Variants in OR10H1 observed in about 807,000 individuals in gnomAD.
OR10H1 encodes the protein olfactory receptor family 10 subfamily H member 1.
Under a neutral mutation model 13.1 loss-of-function variants are expected in OR10H1, and 12 were observed. That is an observed-to-expected ratio of 0.92 (90% CI 0.59 to 1.48). The LOEUF is 1.48. OR10H1 is among the 40% of genes most tolerant of loss of function. The pLI is 0.00. For synonymous variants in OR10H1, 168 were observed against 175.6 expected, an observed-to-expected ratio of 0.96 and a Z score of 0.34; for missense variants, 363 against 413.1, an observed-to-expected ratio of 0.88 and a Z score of 1.05.
chr19:15,806,813 C>T lies in OR10H1; in HGVS notation c.*268G>A. ...TGTGATCTCAGCTCACTGCAACCTC[C>T]ACCTACCGGGTCAAGCGATTCTTAT... is the stretch of plus-strand genomic sequence containing the variant. On this transcript the variant is annotated 3_prime_UTR_variant, in exon 4 of 4. Coordinates refer to ENST00000641419, the MANE Select transcript of OR10H1 (RefSeq NM_013940.4). 1 of 404,834 alleles carries T rather than the reference C, an allele frequency of 2.5e-6. No individual in the cohort carries two copies. Among genetic ancestry groups the T allele is most frequent in the Non-Finnish European group, 4.5e-6 (1 of 220,738 alleles). 25.1% of individuals were successfully genotyped at this position (404,834 alleles called of 1,614,324 possible).
intron 1 of OR10H1, among the ~76,000 whole-genome samples, chr19:15,815,081 C>T (rs2088958881): frequency 6.6e-6 from 1 of 152,176 alleles, no homozygotes; most frequent in Non-Finnish European, 1.5e-5. Flanking sequence ...TGGCTCATGC[C>T]TGTAATCCCA....
intron 1 of OR10H1, among the ~76,000 whole-genome samples, chr19:15,814,036 C>T (rs1270489904): frequency 6.6e-6 from 1 of 152,076 alleles, no homozygotes; most frequent in Admixed American, 6.6e-5. Flanking sequence ...CAAGTCCTGC[C>T]ACAGACATCC....
At chr19:15,815,340 C>G (rs955496928) in intron 1 of OR10H1, among the ~76,000 whole-genome samples, 1 of 115,840 alleles carries the variant, frequency 8.6e-6, no homozygotes, top group East Asian at 2.8e-4. Flanking sequence ...GATTCCGTCT[C>G]AAAAAAAAAA....
chr19:15,806,173 C>T lies in OR10H1; in HGVS notation c.*908G>A, dbSNP rs977637375. On this transcript the variant is annotated 3_prime_UTR_variant, in exon 4 of 4. Transcript: ENST00000641419. ...TATTGGGGGTATTAGATGACCCTGG[C>T]TTTTGGCAAGAGGAGTCTAGATGGA... is the stretch of plus-strand genomic sequence containing the variant. 3 of 152,096 alleles carry T rather than the reference C, an allele frequency of 2.0e-5. No homozygotes were observed. Among genetic ancestry groups the T allele is most frequent in the African/African-American group, 7.2e-5 (3 of 41,416 alleles). The allele number at this position is 152,096 out of a possible 1,614,324, so 9.4% of individuals were successfully genotyped here. A position where few individuals can be genotyped will look rare whatever the true frequency, so the allele number is the denominator to read the frequency against.
chr19:15,808,056 G>A lies in OR10H1; in HGVS notation c.-11-8C>T, dbSNP rs1227814299. 1.3e-6 allele frequency: 2 copies of A among 1,593,312 alleles called. No individual in the cohort carries two copies. Among genetic ancestry groups the A allele is most frequent in the African/African-American group, 1.3e-5 (1 of 74,712 alleles). On this transcript the variant is annotated splice_polypyrimidine_tract_variant and splice_region_variant and intron_variant, in intron 3 of 3. Transcript: ENST00000641419. Reference sequence around the variant, plus strand: ...TCTGCATGGAGGCTGTGCCTGGGGTGAGATGTGACAGGGAGATGTCAGTTA... The same window carrying A: ...TCTGCATGGAGGCTGTGCCTGGGGTAAGATGTGACAGGGAGATGTCAGTTA...
At chr19:15,808,321 T>C (rs1693076757) in intron 3 of OR10H1, among the ~76,000 whole-genome samples, 1 of 152,160 alleles carries the variant, frequency 6.6e-6, no homozygotes, top group African/African-American at 2.4e-5. Flanking sequence ...GATCAGAGAC[T>C]GGAACCCATA....
intron 1 of OR10H1, among the ~76,000 whole-genome samples, chr19:15,814,361 C>T (rs1257028680): frequency 1.3e-5 from 2 of 151,980 alleles, no homozygotes; most frequent in East Asian, 3.9e-4. Context: ...CCACTTAAGC[C>T]ACCACTTCCC....
intron 2 of OR10H1, among the ~76,000 whole-genome samples, chr19:15,809,372 C>G (rs1307655556): frequency 6.6e-6 from 1 of 151,994 alleles, no homozygotes; most frequent in African/African-American, 2.4e-5. Flanking sequence ...TTCACTGCAA[C>G]CTCAAACTCC....
At position 15,806,096 on chromosome 19, in the gene OR10H1, T is replaced by C. The variant is rs144463594; in HGVS notation, c.*985A>G. 6.6e-6 allele frequency: 1 copy of C among 152,314 alleles called. No individual in the cohort carries two copies. Among genetic ancestry groups the C allele is most frequent in the African/African-American group, 2.4e-5 (1 of 41,584 alleles). 9.4% of individuals were successfully genotyped at this position (152,314 alleles called of 1,614,324 possible). A position where few individuals can be genotyped will look rare whatever the true frequency, so the allele number is the denominator to read the frequency against. On this transcript the variant is annotated 3_prime_UTR_variant, in exon 4 of 4. Coordinates refer to ENST00000641419, the MANE Select transcript of OR10H1 (RefSeq NM_013940.4). ...TTGTAGCTACCTGGTGCGGCACTCA[T>C]AGAGAGTGGGGCATGAAATCTTCCC...
intron 1 of OR10H1, 103 bp downstream of exon 1, chr19:15,815,452 T>C (rs927912002): frequency 5.3e-5 from 8 of 152,196 alleles, no homozygotes; most frequent in African/African-American, 1.7e-4. Context: ...TAGACTCACA[T>C]TGCTAAAGGA....
rs35966143 is a variant in OR10H1 at position 15,805,852 on chromosome 19, TCA to T, written c.*1227_*1228del. On this transcript the variant is annotated 3_prime_UTR_variant, in exon 4 of 4. Transcript: ENST00000641419. ...AACTTCTAACACAGCATTCGGTATC[TCA>T]CAGTGTGACTTTTTTCCTTGATCCA... 0.39 allele frequency: 58,890 copies of T among 151,736 alleles called. 12,195 individuals are homozygous for T. Among genetic ancestry groups the T allele is most frequent in the African/African-American group, 0.51 (21,132 of 41,296 alleles). 9.4% of individuals were successfully genotyped at this position (151,736 alleles called of 1,614,324 possible).
intron 1 of OR10H1, among the ~76,000 whole-genome samples, chr19:15,814,470 TGTGTGTGTGTGAGAGAGAGAGA>T (rs1261107278): frequency 7.0e-4 from 38 of 54,624 alleles, no homozygotes; most frequent in Admixed American, 1.2e-3. Context: ...TGTGTGTGTG[TGTGTGTGTGTGAGAGAGAGAGA>T]GAGAGAGAGA....
intron 2 of OR10H1, among the ~76,000 whole-genome samples, chr19:15,811,547 C>T (rs1393035556): frequency 6.6e-6 from 1 of 152,110 alleles, no homozygotes; most frequent in East Asian, 1.9e-4. Flanking sequence ...CAAAGTCACC[C>T]CCAGTTGAGA....
rs147697493 is a variant in OR10H1 at position 15,813,875 on chromosome 19, A to G, written c.-777-997T>C. On this transcript the variant is annotated intron_variant, in intron 1 of 3. Transcript: ENST00000641419. ...GAAGAGAAACAGAGAGAGGAAAGAG[A>G]GGTAGGGAGAAAGAGAGGACAGAGG... Among the ~76,000 whole-genome samples the G allele has an allele frequency of 1.8e-3, 278 of 151,582 alleles. 1 individual carries two copies. The highest frequency in any genetic ancestry group is 6.3e-3 in the African/African-American group (260 of 41,282).
chr19:15,807,788 C>G lies in OR10H1; in HGVS notation c.250G>C (p.Asp84His), dbSNP rs1169187924. Reference sequence around the variant, plus strand: ...ATGGAGCGCTGGGTGGACAGCAGGTCGGCCAGCATGCGCGGGATGATGGCC... The same window carrying G: ...ATGGAGCGCTGGGTGGACAGCAGGTGGGCCAGCATGCGCGGGATGATGGCC... ...TVAIIPRMLA[D>H]LLSTQRSIAF... The change falls in exon 4 of 4, where the codon GAC becomes CAC. Residue 84 changes from aspartate to histidine, a missense_variant. Asp to His is a moderately conservative substitution (Grantham distance 81). This residue lies in a region of OR10H1 where 318 missense variants were observed against 366.6 expected (regional missense o/e 0.87). Transcript: ENST00000641419. The G allele has an allele frequency of 1.9e-6, 3 of 1,607,024 alleles. No individual in the cohort carries two copies.
At chr19:15,810,017 A>G (rs933673594) in intron 2 of OR10H1, among the ~76,000 whole-genome samples, 3 of 152,124 alleles carry the variant, frequency 2.0e-5, no homozygotes, top group Non-Finnish European at 4.4e-5. Context: ...ATGTGTGACC[A>G]GGTGCAGTGG....
intron 2 of OR10H1, among the ~76,000 whole-genome samples, chr19:15,810,413 T>A (rs2088926865): frequency 6.6e-6 from 1 of 151,704 alleles, no homozygotes; most frequent in East Asian, 1.9e-4. Flanking sequence ...GTGTCTCATT[T>A]CTTTCACTGA....
In OR10H1 at chr19:15,806,998, A is replaced by G; in HGVS notation, c.*83T>C. On this transcript the variant is annotated 3_prime_UTR_variant, in exon 4 of 4. Transcript: ENST00000641419. ...TGCCTCGGCCTCCCAAAGTGCTGGG[A>G]TTACAGGCATGAGTCACCACGGAAC... The G allele has an allele frequency of 2.3e-6, 3 of 1,327,336 alleles. No homozygotes were observed. Among genetic ancestry groups the G allele is most frequent in the Non-Finnish European group, 2.1e-6 (2 of 950,426 alleles). 82.2% of individuals were successfully genotyped at this position (1,327,336 alleles called of 1,614,324 possible).
rs939088114 is a variant in OR10H1, at chr19:15,807,007, A to G, written c.*74T>C. On this transcript the variant is annotated 3_prime_UTR_variant, in exon 4 of 4. Coordinates refer to ENST00000641419, the MANE Select transcript of OR10H1 (RefSeq NM_013940.4). Reference sequence around the variant, plus strand: ...CTCCCAAAGTGCTGGGATTACAGGCATGAGTCACCACGGAACGTAATTTTT... The same window carrying G: ...CTCCCAAAGTGCTGGGATTACAGGCGTGAGTCACCACGGAACGTAATTTTT... The G allele has an allele frequency of 1.4e-6, 2 of 1,400,068 alleles. No homozygotes were observed. Among genetic ancestry groups the G allele is most frequent in the Non-Finnish European group, 2.0e-6 (2 of 1,012,380 alleles). The allele number at this position is 1,400,068 out of a possible 1,614,324, so 86.7% of individuals were successfully genotyped here. A position where few individuals can be genotyped will look rare whatever the true frequency, so the allele number is the denominator to read the frequency against.
Sources: gnomAD v4.1 joint callset for allele counts (sites outside exome capture counted in the v4.1 genomes callset) on GRCh38, gnomAD v4.1.1 for gene constraint, gnomAD v4.1.1 regional missense constraint, MANE v1.5 for transcripts, NCBI Gene and HGNC (gene_info 2026-07-23, HGNC 2026-07-21) for gene names.